Variants in DSCAML1 observed in about 807,000 individuals in gnomAD.
The protein encoded by DSCAML1 is DS cell adhesion molecule like 1.
In DSCAML1, 38 loss-of-function variants were observed where a neutral mutation model predicts 200.5. The observed-to-expected ratio is 0.19, with a 90% CI of 0.15 to 0.25. The LOEUF is 0.25. DSCAML1 is among the 10% of genes least tolerant of loss of function. DSCAML1 has a pLI of 1.00. For synonymous variants in DSCAML1, 1,215 were observed against 1,165.0 expected, an observed-to-expected ratio of 1.04 and a Z score of -0.87; for missense variants, 2,223 against 2,858.8, an observed-to-expected ratio of 0.78 and a Z score of 5.07.
intron 3 of DSCAML1, among the ~76,000 whole-genome samples, chr11:117,584,337 C>T (rs994891967): frequency 7.2e-5 from 11 of 152,194 alleles, no homozygotes; most frequent in Admixed American, 6.5e-5. Context: ...GGATACAGTC[C>T]TTCCTATCAG....
chr11:117,651,047 C>T (rs1349249845), intron 3 of DSCAML1, among the ~76,000 whole-genome samples: 2 of 152,236 alleles, frequency 1.3e-5, no homozygotes, highest in African/African-American at 4.8e-5. Context: ...TGGGTGGGAC[C>T]TTGGAGGTCA....
intron 3 of DSCAML1, chr11:117,668,680 T>G (rs2053032170): frequency 6.6e-6 from 1 of 152,312 alleles, no homozygotes; most frequent in Admixed American, 6.5e-5. Flanking sequence ...AGCTTCCATC[T>G]GACTGCAAAG....
chr11:117,793,735 C>G (rs189440861), intron 1 of DSCAML1, among the ~76,000 whole-genome samples: 8 of 152,288 alleles, frequency 5.3e-5, no homozygotes, highest in Non-Finnish European at 1.2e-4. Context: ...TCCAGTCCCC[C>G]GGGATCTGTT....
At position 117,780,795 on chromosome 11, in the gene DSCAML1, A is replaced by C. The variant is rs763310033; in HGVS notation, c.62T>G (p.Val21Gly). 1 of 1,467,352 alleles carries C rather than the reference A, an allele frequency of 6.8e-7. No homozygotes were observed. Among genetic ancestry groups the C allele is most frequent in the Non-Finnish European group, 9.0e-7 (1 of 1,111,130 alleles). The allele number at this position is 1,467,352 out of a possible 1,614,324, so 90.9% of individuals were successfully genotyped here. Residue 21 changes from valine (V) to glycine (G), a missense_variant, in exon 2 of 33, where the codon GTT (valine) becomes GGT (glycine). Transcript: ENST00000651296. The surrounding 1 kb of genome is among the most constrained non-coding windows in gnomAD (Gnocchi z 4.8). ...ATTTACAAAGTAGAGGCTGGTGCCA[A>C]CATCTTCAGGGCGGGCTGCAGGAGA... ...DSLHKARPEDVGTSLYFVNDS... is the reference protein window; with the variant it reads ...DSLHKARPEDGGTSLYFVNDS...
At chr11:117,768,808 T>C (rs987048393) in intron 3 of DSCAML1, among the ~76,000 whole-genome samples, 3 of 152,100 alleles carry the variant, frequency 2.0e-5, no homozygotes, top group African/African-American at 7.2e-5. Context: ...TCCCACTATA[T>C]CTCCTGTGAA....
At chr11:117,702,140 A>G (rs1434611531) in intron 3 of DSCAML1, among the ~76,000 whole-genome samples, 1 of 152,146 alleles carries the variant, frequency 6.6e-6, no homozygotes, top group South Asian at 2.1e-4. Context: ...TCCTCCTTCC[A>G]GAATGATCTC....
chr11:117,602,845 G>A (rs1485439260), intron 3 of DSCAML1, among the ~76,000 whole-genome samples: 2 of 151,524 alleles, frequency 1.3e-5, no homozygotes, highest in Non-Finnish European at 2.9e-5. Context: ...ACGCCTGTAA[G>A]CCCAGCACTT....
At chr11:117,711,525 C>G (rs1192988853) in intron 3 of DSCAML1, among the ~76,000 whole-genome samples, 1 of 152,164 alleles carries the variant, frequency 6.6e-6, no homozygotes, top group Non-Finnish European at 1.5e-5. Context: ...TAGAACCAGG[C>G]TTAGGAGTTG....
intron 3 of DSCAML1, among the ~76,000 whole-genome samples, chr11:117,564,441 C>T (rs2050718165): frequency 6.6e-6 from 1 of 152,184 alleles, no homozygotes; most frequent in Admixed American, 6.5e-5. Flanking sequence ...CTGGAACAAT[C>T]ATCCGCAATC....
intron 3 of DSCAML1, among the ~76,000 whole-genome samples, chr11:117,581,923 C>G (rs1413880055): frequency 1.3e-5 from 2 of 152,132 alleles, no homozygotes; most frequent in East Asian, 1.9e-4. Context: ...CTCATCCTAT[C>G]TCCTCAAAAT....
chr11:117,745,786 G>A (rs1425787797), intron 3 of DSCAML1, among the ~76,000 whole-genome samples: 4 of 152,198 alleles, frequency 2.6e-5, no homozygotes, highest in African/African-American at 9.6e-5. Flanking sequence ...CCTGGTAGGT[G>A]ACTGTAAGCA....
At chr11:117,752,114 C>T in intron 3 of DSCAML1, among the ~76,000 whole-genome samples, 1 of 152,296 alleles carries the variant, frequency 6.6e-6, no homozygotes, top group South Asian at 2.1e-4. Context: ...CTAGAACAAG[C>T]CTTCTCATTT....
chr11:117,780,839 G>C lies in DSCAML1; in HGVS notation c.47-29C>G. 7.1e-7 allele frequency: 1 copy of C among 1,400,414 alleles called. No homozygotes were observed. The highest frequency in any genetic ancestry group is 9.3e-7 in the Non-Finnish European group (1 of 1,079,278). 86.7% of individuals were successfully genotyped at this position (1,400,414 alleles called of 1,614,324 possible). A position where few individuals can be genotyped will look rare whatever the true frequency, so the allele number is the denominator to read the frequency against. Reference sequence around the variant, plus strand: ...CAGGAGAGGCAAGGGGAGAGACTTGGTTAGCATGGGCTCTAACAATACCCA... The same window carrying C: ...CAGGAGAGGCAAGGGGAGAGACTTGCTTAGCATGGGCTCTAACAATACCCA... On this transcript the variant is annotated intron_variant, in intron 1 of 32. Coordinates refer to ENST00000651296, the MANE Select transcript of DSCAML1 (RefSeq NM_020693.4). The surrounding 1 kb of genome is among the most constrained non-coding windows in gnomAD (Gnocchi z 4.8).
chr11:117,453,746 C>CTTTTTTTTTTTT (rs138176049), intron 19 of DSCAML1, among the ~76,000 whole-genome samples: 3 of 138,182 alleles, frequency 2.2e-5, no homozygotes, highest in Non-Finnish European at 3.0e-5. Context: ...TTCTTTCTTT[C>CTTTTTTTTTTTT]TTTTTTTTTT....
At position 117,521,113 on chromosome 11, in the gene DSCAML1, C is replaced by T; in HGVS notation, c.1213+17G>A. 3 of 1,607,184 alleles carry T rather than the reference C, an allele frequency of 1.9e-6. No individual in the cohort carries two copies. Among genetic ancestry groups the T allele is most frequent in the Non-Finnish European group, 2.6e-6 (3 of 1,174,898 alleles). ...CAGCCCTGAACCCGCCCCCTGTGTC[C>T]TGGCGCCCCAGCTCACCCTCAAGTG... On this transcript the variant is annotated intron_variant, in intron 6 of 32. Coordinates refer to ENST00000651296, the MANE Select transcript of DSCAML1 (RefSeq NM_020693.4).
chr11:117,483,321 C>T (rs970344569), intron 11 of DSCAML1, among the ~76,000 whole-genome samples: 17 of 152,226 alleles, frequency 1.1e-4, no homozygotes, highest in Admixed American at 7.2e-4. Context: ...ATACCTGCAC[C>T]GGCAACATGA....
At chr11:117,658,510 C>G (rs2052777261) in intron 3 of DSCAML1, among the ~76,000 whole-genome samples, 1 of 152,068 alleles carries the variant, frequency 6.6e-6, no homozygotes, top group Non-Finnish European at 1.5e-5. Context: ...AGAGAGAGAC[C>G]TGAGATTGGC....
intron 17 of DSCAML1, among the ~76,000 whole-genome samples, chr11:117,464,079 T>A (rs1272510663): frequency 6.6e-6 from 1 of 152,122 alleles, no homozygotes; most frequent in Non-Finnish European, 1.5e-5. Flanking sequence ...GGTCTCCTGA[T>A]GGGAATAGGG....
intron 3 of DSCAML1, among the ~76,000 whole-genome samples, chr11:117,629,338 C>T (rs562652598): frequency 1.2e-4 from 19 of 152,162 alleles, no homozygotes; most frequent in East Asian, 9.7e-4. Flanking sequence ...CATTACCTCC[C>T]GGGGACAGGA....
Sources: allele counts gnomAD v4.1 joint callset (sites outside exome capture counted in the v4.1 genomes callset), GRCh38; gene constraint gnomAD v4.1.1; non-coding constraint Gnocchi (gnomAD v3.1); transcripts MANE v1.5; gene names NCBI Gene and HGNC (gene_info 2026-07-23, HGNC 2026-07-21).